Variants in MAGEA8 observed in about 807,000 individuals in gnomAD.
MAGEA8 encodes the protein MAGE family member A8.
For missense variants in MAGEA8, 229 were observed against 251.1 expected, an observed-to-expected ratio of 0.91 and a Z score of 0.59; for synonymous variants, 104 against 102.6, an observed-to-expected ratio of 1.01 and a Z score of -0.08.
intron 1 of MAGEA8, among the ~76,000 whole-genome samples, chrX:149,881,669 G>A (rs2090730607): frequency 9.7e-6 from 1 of 103,466 alleles, no homozygotes; most frequent in African/African-American, 3.5e-5. Context: ...CATGGCGGCC[G>A]GGCTCGCTGA....
chrX:149,881,654 CCGGGCA>C (rs2090730206), intron 1 of MAGEA8, among the ~76,000 whole-genome samples: 2 of 102,022 alleles, frequency 2.0e-5, no homozygotes, highest in Non-Finnish European at 4.2e-5. Flanking sequence ...GGCATGGCGG[CCGGGCA>C]TGGCGGCCGG....
At position 149,885,659 on chromosome X, in the gene MAGEA8, T is replaced by A. The variant is rs2090758357; in HGVS notation, c.*430T>A. 3 of 235,421 alleles carry A rather than the reference T, an allele frequency of 1.3e-5. No individual in the cohort carries two copies. Among genetic ancestry groups the A allele is most frequent in the Non-Finnish European group, 2.4e-5 (3 of 125,273 alleles). The allele number at this position is 235,421 out of a possible 1,213,427, so 19.4% of individuals were successfully genotyped here. A position where few individuals can be genotyped will look rare whatever the true frequency, so the allele number is the denominator to read the frequency against. On this transcript the variant is annotated 3_prime_UTR_variant, in exon 3 of 3. Transcript: ENST00000286482. ...CACTACAAGAGCAGAGGATTAAGGT[T>A]TTTTTAGAAATGTGAAACAACATAG...
Position 149,884,265 on chromosome X carries a change from G to C in MAGEA8, c.-8G>C. ...CCACACTCTCCTGCTGCCCTGACCTGAGTCATCATGCTTCTTGGGCAGAAG... is the reference window on the plus strand; with the variant it reads ...CCACACTCTCCTGCTGCCCTGACCTCAGTCATCATGCTTCTTGGGCAGAAG... On this transcript the variant is annotated 5_prime_UTR_variant, in exon 3 of 3. Transcript: ENST00000286482. 2.5e-6 allele frequency: 3 copies of C among 1,179,941 alleles called. No homozygotes were observed. Among genetic ancestry groups the C allele is most frequent in the Non-Finnish European group, 3.4e-6 (3 of 875,904 alleles).
In MAGEA8 at chrX:149,884,997, A is replaced by C; in HGVS notation, c.725A>C (p.Tyr242Ser). Residue 242 changes from tyrosine to serine, a missense_variant, in exon 3 of 3, where the codon TAT becomes TCT. Transcript: ENST00000286482. ...TATGATGGGAGGGAGCACAGTGTCT[A>C]TTGGAAGCTCAGGAAGCTGCTCACC... is the stretch of plus-strand genomic sequence containing the variant. Reference protein sequence around the residue: ...GLYDGREHSVYWKLRKLLTQE... With the variant: ...GLYDGREHSVSWKLRKLLTQE... 4.1e-6 allele frequency: 5 copies of C among 1,208,932 alleles called. No individual in the cohort carries two copies. Among genetic ancestry groups the C allele is most frequent in the Non-Finnish European group, 5.6e-6 (5 of 894,009 alleles).
rs1206863820 is a variant in MAGEA8, at chrX:149,884,858, G to A, written c.586G>A (p.Asp196Asn). ...CTCCTATGATGGCCTGCTGGGTGAT[G>A]ATCAGAGTACGCCCAAGACCGGCCT... ...GLSYDGLLGDDQSTPKTGLLI... is the reference protein window; with the variant it reads ...GLSYDGLLGDNQSTPKTGLLI... The change falls in exon 3 of 3, where the codon GAT becomes AAT. Residue 196 changes from aspartate to asparagine, a missense_variant. Physicochemically the swap from Asp to Asn is conservative, Grantham distance 23. Transcript: ENST00000286482. 3.8e-5 allele frequency: 46 copies of A among 1,209,424 alleles called. No individual in the cohort carries two copies. Among genetic ancestry groups the A allele is most frequent in the Non-Finnish European group, 5.1e-5 (46 of 894,877 alleles).
chrX:149,884,232 G>T lies in MAGEA8; in HGVS notation c.-41G>T, dbSNP rs1265958089. On this transcript the variant is annotated 5_prime_UTR_variant, in exon 3 of 3. Coordinates refer to ENST00000286482, the MANE Select transcript of MAGEA8 (RefSeq NM_005364.5). ...CAGGCCTGTGGGTCTCAATTGCCCA[G>T]CTCCGGCCCACACTCTCCTGCTGCC... 3 of 1,096,565 alleles carry T rather than the reference G, an allele frequency of 2.7e-6. No homozygotes were observed. Among genetic ancestry groups the T allele is most frequent in the Non-Finnish European group, 3.7e-6 (3 of 805,370 alleles). The allele number at this position is 1,096,565 out of a possible 1,213,427, so 90.4% of individuals were successfully genotyped here. A position where few individuals can be genotyped will look rare whatever the true frequency, so the allele number is the denominator to read the frequency against.
intron 1 of MAGEA8, chrX:149,883,115 C>T (rs782286671): frequency 1.8e-5 from 2 of 112,334 alleles, no homozygotes; most frequent in African/African-American, 3.2e-5. Flanking sequence ...TGCCCGGCCT[C>T]TTTTGTCACC....
Position 149,884,187 on chromosome X carries a change from TCA to T in MAGEA8, c.-63-19_-63-18del, listed in dbSNP as rs1399869990. 3 of 741,625 alleles carry T rather than the reference TCA, an allele frequency of 4.0e-6. No individual in the cohort carries two copies. The Admixed American group carries it at 8.3e-5, about 21-fold the overall frequency. 61.1% of individuals were successfully genotyped at this position (741,625 alleles called of 1,213,427 possible). ...GGGTGTAGTACCCAGCTGAGGCCTC[TCA>T]CACGCTTCCTCTCTCCCCAGGCCTG... On this transcript the variant is annotated intron_variant, in intron 2 of 2. Transcript: ENST00000286482.
In MAGEA8 at chrX:149,881,186, G is replaced by C. The variant is rs1397759852; in HGVS notation, c.-225G>C. 9.0e-6 allele frequency: 1 copy of C among 111,620 alleles called. No individual in the cohort carries two copies. Among genetic ancestry groups the C allele is most frequent in the Admixed American group, 9.4e-5 (1 of 10,666 alleles). The allele number at this position is 111,620 out of a possible 1,213,427, so 9.2% of individuals were successfully genotyped here. On this transcript the variant is annotated 5_prime_UTR_variant, in exon 1 of 3. Transcript: ENST00000286482. Reference sequence around the variant, plus strand: ...CTGGGTGGACGGATGTGACGCCACTGACGTGGCCGCGGGGATCAGAGAGAA... The same window carrying C: ...CTGGGTGGACGGATGTGACGCCACTCACGTGGCCGCGGGGATCAGAGAGAA...
chrX:149,882,069 A>C (rs1211721136), intron 1 of MAGEA8, among the ~76,000 whole-genome samples: 1 of 110,742 alleles, frequency 9.0e-6, no homozygotes, highest in Non-Finnish European at 1.9e-5. Context: ...CTGTGGTCTG[A>C]GGAGTGGAGT....
chrX:149,884,132 C>T lies in MAGEA8; in HGVS notation c.-66C>T, dbSNP rs1343909733. 6.1e-6 allele frequency: 3 copies of T among 490,702 alleles called. No individual in the cohort carries two copies. The highest frequency in any genetic ancestry group is 6.7e-5 in the South Asian group (2 of 29,716). The allele number at this position is 490,702 out of a possible 1,213,427, so 40.4% of individuals were successfully genotyped here. On this transcript the variant is annotated splice_region_variant and 5_prime_UTR_variant, in exon 2 of 3. Coordinates refer to ENST00000286482, the MANE Select transcript of MAGEA8 (RefSeq NM_005364.5). ...GGCCCCAGAGAAGCACTGAAGAAGA[C>T]CTGTAAGTAGACCTTTGTTAGGGCA...
At position 149,884,297 on chromosome X, in the gene MAGEA8, C is replaced by T. The variant is rs150164908; in HGVS notation, c.25C>T (p.Arg9Cys). 1,693 of 1,195,247 alleles carry T rather than the reference C, an allele frequency of 1.4e-3. 3 individuals carry two copies. The highest frequency in any genetic ancestry group is 1.8e-3 in the Non-Finnish European group (1,599 of 887,618). ...CATGCTTCTTGGGCAGAAGAGTCAG[C>T]GCTACAAGGCTGAGGAAGGCCTTCA... MLLGQKSQ[R>C]YKAEEGLQAQ... Residue 9 changes from arginine to cysteine, a missense_variant, in exon 3 of 3, where the codon CGC becomes TGC. Coordinates refer to ENST00000286482, the MANE Select transcript of MAGEA8 (RefSeq NM_005364.5).
rs782692157 is a variant in MAGEA8 at position 149,884,073 on chromosome X, G to A, written c.-125G>A. 2.7e-5 allele frequency: 11 copies of A among 401,127 alleles called. No homozygotes were observed. The highest frequency in any genetic ancestry group is 3.9e-5 in the Non-Finnish European group (9 of 231,975). 33.1% of individuals were successfully genotyped at this position (401,127 alleles called of 1,213,427 possible). A position where few individuals can be genotyped will look rare whatever the true frequency, so the allele number is the denominator to read the frequency against. On this transcript the variant is annotated splice_region_variant and 5_prime_UTR_variant, in exon 2 of 3. Transcript: ENST00000286482. The stretch of plus-strand genomic sequence containing the variant: ...GATGCCCTCTCAATTTCTCCTTCAG[G>A]TTCGCAGAGAACAGGCCAGCCAGGA...
Position 149,885,052 on chromosome X carries a change from G to A in MAGEA8, c.780G>A (p.Glu260=). 1 of 1,210,523 alleles carries A rather than the reference G, an allele frequency of 8.3e-7. No individual in the cohort carries two copies. Among genetic ancestry groups the A allele is most frequent in the Non-Finnish European group, 1.1e-6 (1 of 894,767 alleles). Residue 260 remains glutamate (E), a synonymous_variant, in exon 3 of 3, where the codon GAG becomes GAA. Coordinates refer to ENST00000286482, the MANE Select transcript of MAGEA8 (RefSeq NM_005364.5). ...TQEWVQENYL[E]YRQAPGSDPV... ...AGTGGGTGCAGGAGAACTACCTGGA[G>A]TACCGCCAGGCGCCCGGCAGTGATC...
chrX:149,884,842 T>C lies in MAGEA8; in HGVS notation c.570T>C (p.Asp190=). 2 of 1,211,265 alleles carry C rather than the reference T, an allele frequency of 1.7e-6. No individual in the cohort carries two copies. Among genetic ancestry groups the C allele is most frequent in the Non-Finnish European group, 2.2e-6 (2 of 895,138 alleles). ...ILVTCLGLSY[D]GLLGDDQSTP... ...TCACCTGCCTGGGCCTCTCCTATGATGGCCTGCTGGGTGATGATCAGAGTA... is the reference window on the plus strand; with the variant it reads ...TCACCTGCCTGGGCCTCTCCTATGACGGCCTGCTGGGTGATGATCAGAGTA... The change falls in exon 3 of 3, where the codon GAT becomes GAC. Residue 190 remains aspartate, a synonymous_variant. Coordinates refer to ENST00000286482, the MANE Select transcript of MAGEA8 (RefSeq NM_005364.5).
rs2090751795 is a variant in MAGEA8, at chrX:149,884,787, T to A, written c.515T>A (p.Val172Glu). Residue 172 changes from valine (V) to glutamate (E), a missense_variant, in exon 3 of 3, where the codon GTG (valine) becomes GAG (glutamate). Transcript: ENST00000286482. ...QVIFGIDVKE[V>E]DPAGHSYILV... ...ATCTTTGGCATTGATGTGAAGGAAG[T>A]GGACCCTGCCGGCCACTCCTACATC... is the stretch of plus-strand genomic sequence containing the variant. The A allele has an allele frequency of 2.5e-6, 3 of 1,209,645 alleles. No individual in the cohort carries two copies. Among genetic ancestry groups the A allele is most frequent in the Non-Finnish European group, 2.2e-6 (2 of 894,900 alleles).
intron 1 of MAGEA8, among the ~76,000 whole-genome samples, chrX:149,881,579 C>T (rs1431957894): frequency 1.2e-5 from 1 of 84,684 alleles, no homozygotes; most frequent in Non-Finnish European, 2.4e-5. Context: ...ACTGTCAGCC[C>T]TGGGAAGCCC....
chrX:149,884,111 C>T lies in MAGEA8; in HGVS notation c.-87C>T, dbSNP rs782460511. 3.4e-4 allele frequency: 152 copies of T among 448,942 alleles called. No homozygotes were observed. Among genetic ancestry groups the T allele is most frequent in the Non-Finnish European group, 7.8e-5 (20 of 257,179 alleles). 37.0% of individuals were successfully genotyped at this position (448,942 alleles called of 1,213,427 possible). ...AGGCCAGCCAGGAGGTCAGGAGGCC[C>T]CAGAGAAGCACTGAAGAAGACCTGT... On this transcript the variant is annotated 5_prime_UTR_variant, in exon 2 of 3. Coordinates refer to ENST00000286482, the MANE Select transcript of MAGEA8 (RefSeq NM_005364.5).
chrX:149,884,616 AAGTGGCTG>A lies in MAGEA8; in HGVS notation c.348_355del (p.Ala117SerfsTer11). 1 of 1,211,006 alleles carries A rather than the reference AAGTGGCTG, an allele frequency of 8.3e-7. No individual in the cohort carries two copies. The highest frequency in any genetic ancestry group is 1.1e-6 in the Non-Finnish European group (1 of 894,917). On this transcript the variant is annotated frameshift_variant, in exon 3 of 3. Coordinates refer to ENST00000286482, the MANE Select transcript of MAGEA8 (RefSeq NM_005364.5). LOFTEE classifies it low-confidence loss of function (END_TRUNC). ...CTGTTCCGGGAAGCACTTGATGAGA[AAGTGGCTG>A]AGTTAGTTCGTTTCCTGCTCCGCAA... is the stretch of plus-strand genomic sequence containing the variant.
Sources: gnomAD v4.1 joint callset for allele counts (sites outside exome capture counted in the v4.1 genomes callset) on GRCh38, gnomAD v4.1.1 for gene constraint, MANE v1.5 for transcripts, NCBI Gene and HGNC (gene_info 2026-07-23, HGNC 2026-07-21) for gene names.